The following SMG6 variants were observed in gnomAD, a reference collection of about 807,000 sequenced individuals.
SMG6 encodes the protein SMG6 nonsense mediated mRNA decay factor.
A neutral mutation model predicts 142.2 loss-of-function variants in SMG6; 66 were observed. The ratio of observed to expected loss-of-function variants is 0.46; its 90% confidence interval spans 0.38 to 0.57. The LOEUF (loss-of-function observed/expected upper bound fraction) is 0.57. Among genes scored for constraint, SMG6 ranks in the 20% least tolerant of loss-of-function variants. The pLI, the probability that SMG6 is intolerant of heterozygous loss-of-function variation, is 0.00. For synonymous variants in SMG6, 779 were observed against 702.4 expected, an observed-to-expected ratio of 1.11 and a Z score of -1.72; for missense variants, 1,793 against 1,832.0, an observed-to-expected ratio of 0.98 and a Z score of 0.39.
chr17:2,296,702 G>C (rs1249217920), intron 4 of SMG6, among the ~76,000 whole-genome samples: 1 of 152,128 alleles, frequency 6.6e-6, no homozygotes, highest in Non-Finnish European at 1.5e-5. Context: ...TGCCAAAAAG[G>C]CTAGGGACTG....
At chr17:2,102,076 C>T (rs1172095991) in intron 13 of SMG6, among the ~76,000 whole-genome samples, 2 of 152,174 alleles carry the variant, frequency 1.3e-5, no homozygotes, top group African/African-American at 2.4e-5. Flanking sequence ...CAAGCAGGGC[C>T]TAGTGGAACG....
chr17:2,281,055 G>C (rs1346835011), intron 8 of SMG6, among the ~76,000 whole-genome samples: 2 of 152,168 alleles, frequency 1.3e-5, no homozygotes, highest in Non-Finnish European at 2.9e-5. Flanking sequence ...CCCTGTTTTT[G>C]ATTGTATTCA....
intron 10 of SMG6, among the ~76,000 whole-genome samples, chr17:2,196,482 A>G (rs1321746327): frequency 6.6e-6 from 1 of 152,220 alleles, no homozygotes; most frequent in Non-Finnish European, 1.5e-5. Context: ...TACCATGTTC[A>G]TGAACTGAGC....
intron 13 of SMG6, among the ~76,000 whole-genome samples, chr17:2,096,756 C>CACAAGACAAGACAAG (rs368544975): frequency 6.6e-6 from 1 of 151,774 alleles, no homozygotes; most frequent in Admixed American, 6.6e-5. Flanking sequence ...ATCCTGGGCA[C>CACAAGACAAGACAAG]ACAAGACAAG....
chr17:2,086,788 G>T (rs1183622636), intron 13 of SMG6, among the ~76,000 whole-genome samples: 1 of 152,094 alleles, frequency 6.6e-6, no homozygotes, highest in African/African-American at 2.4e-5. Flanking sequence ...TCTCCTCCAT[G>T]CTTGCCCCTG....
At chr17:2,113,281 G>A (rs1257821388) in intron 13 of SMG6, among the ~76,000 whole-genome samples, 1 of 151,750 alleles carries the variant, frequency 6.6e-6, no homozygotes, top group Non-Finnish European at 1.5e-5. Flanking sequence ...GGGCCTATTT[G>A]CCCAGATTGG....
At chr17:2,301,952 T>C (rs2075287970) in intron 1 of SMG6, among the ~76,000 whole-genome samples, 1 of 151,784 alleles carries the variant, frequency 6.6e-6, no homozygotes, top group Admixed American at 6.6e-5. Context: ...AATGGAATGC[T>C]ATATAAAATC....
rs568832932 is a variant in SMG6, at chr17:2,262,781, A to T, written c.2662-18062T>A. 3.3e-5 allele frequency among the ~76,000 whole-genome samples: 5 copies of T among 152,282 alleles called. No homozygotes were observed. The South Asian group carries it at 8.3e-4, about 25-fold the overall frequency. On this transcript the variant is annotated intron_variant, in intron 8 of 18. Transcript: ENST00000263073. ...CTGTGTTTTTGAGGGAAGGACCAAC[A>T]TCACTTACTTTTCTGTGTGCAGTAC... is the stretch of plus-strand genomic sequence containing the variant.
intron 8 of SMG6, among the ~76,000 whole-genome samples, chr17:2,272,207 G>A (rs867669593): frequency 1.3e-5 from 2 of 152,252 alleles, no homozygotes; most frequent in Middle Eastern, 6.8e-3. Context: ...GGTGCCCTGT[G>A]AGCCCTCTGC....
chr17:2,120,325 A>C (rs1161471597), intron 13 of SMG6, among the ~76,000 whole-genome samples: 1 of 152,268 alleles, frequency 6.6e-6, no homozygotes, highest in Non-Finnish European at 1.5e-5. Context: ...ACTTACATCC[A>C]GAATACATAA....
At chr17:2,161,370 G>A (rs1033429834) in intron 13 of SMG6, among the ~76,000 whole-genome samples, 1 of 151,732 alleles carries the variant, frequency 6.6e-6, no homozygotes, top group Admixed American at 6.6e-5. Flanking sequence ...CTCTCAAAGT[G>A]CTAGGATTAC....
chr17:2,110,035 T>C (rs758469451), intron 13 of SMG6, among the ~76,000 whole-genome samples: 3 of 148,702 alleles, frequency 2.0e-5, no homozygotes, highest in Admixed American at 6.9e-5. Context: ...TGAGCAGAGA[T>C]TGCACTACTG....
chr17:2,070,201 C>T (rs576542292), intron 15 of SMG6, among the ~76,000 whole-genome samples: 11 of 152,360 alleles, frequency 7.2e-5, no homozygotes, highest in Non-Finnish European at 4.4e-5. Context: ...CAGCCTTACA[C>T]GTGTGGCAGC....
At chr17:2,232,933 C>A (rs540112203) in intron 10 of SMG6, 4 of 152,356 alleles carry the variant, frequency 2.6e-5, no homozygotes, top group African/African-American at 9.6e-5. Context: ...CTTTTCCTTT[C>A]ATTTTGCCTT....
chr17:2,173,867 T>G (rs962934465), intron 12 of SMG6, among the ~76,000 whole-genome samples: 5 of 148,184 alleles, frequency 3.4e-5, no homozygotes, highest in South Asian at 2.2e-4. Context: ...TTTTTTTTTT[T>G]TTTTGGCCTG....
intron 8 of SMG6, among the ~76,000 whole-genome samples, chr17:2,258,556 C>CA (rs546129106): frequency 0.38 from 33,538 of 88,066 alleles, 5,694 homozygotes; most frequent in Middle Eastern, 0.48. Context: ...GACTCTGTCT[C>CA]AAAAAAAAAA....
rs1029480491 is a variant in SMG6, at chr17:2,161,719, A to T, written c.3357+10939T>A. Among the ~76,000 whole-genome samples the T allele has an allele frequency of 2.8e-5, 3 of 106,968 alleles. No homozygotes were observed. The East Asian group carries it at 6.2e-4, about 22-fold the overall frequency. The allele number at this position is 106,968 out of a possible 152,430, so 70.2% of individuals were successfully genotyped here. A position where few individuals can be genotyped will look rare whatever the true frequency, so the allele number is the denominator to read the frequency against. ...ACTCTCAAGTCTCAAGGATTTGTCT[A>T]AAAAAAAAAAAAATCAAATTCTCTC... On this transcript the variant is annotated intron_variant, in intron 13 of 18. Transcript: ENST00000263073.
intron 13 of SMG6, chr17:2,094,766 T>C (rs1199277955): frequency 6.6e-6 from 1 of 152,144 alleles, no homozygotes; most frequent in Non-Finnish European, 1.5e-5. Context: ...AGATCCCCAA[T>C]ATGGTATTTT....
chr17:2,097,968 T>C (rs1158831872), intron 13 of SMG6, among the ~76,000 whole-genome samples: 2 of 152,152 alleles, frequency 1.3e-5, no homozygotes, highest in Non-Finnish European at 2.9e-5. Context: ...GCACTACTGA[T>C]AAACTGTGAG....
Sources: allele counts gnomAD v4.1 joint callset (sites outside exome capture counted in the v4.1 genomes callset), GRCh38; gene constraint gnomAD v4.1.1; transcripts MANE v1.5; gene names NCBI Gene and HGNC (gene_info 2026-07-23, HGNC 2026-07-21).